The following AKAP7 variants were observed in gnomAD, a reference collection of about 807,000 sequenced individuals.
AKAP7 encodes A kinase (PRKA) anchor protein 7.
A neutral mutation model predicts 39.5 loss-of-function variants in AKAP7; 39 were observed. The ratio of observed to expected loss-of-function variants is 0.99; its 90% CI spans 0.76 to 1.29. The LOEUF (loss-of-function observed/expected upper bound fraction) is 1.29, where lower values mean the gene tolerates loss of function less well. Among genes scored for constraint, AKAP7 ranks in the 50% most tolerant of loss-of-function variants. The pLI is 0.00. For synonymous variants in AKAP7, 140 were observed against 139.1 expected (o/e 1.01, Z -0.05); for missense variants, 414 against 407.7 (o/e 1.02, Z -0.13).
intron 5 of AKAP7, among the ~76,000 whole-genome samples, chr6:131,181,725 A>G (rs1291247757): frequency 6.6e-6 from 1 of 152,130 alleles, no homozygotes; most frequent in Non-Finnish European, 1.5e-5. Context: ...AGGTCCCCTG[A>G]GGCACTGGGC....
chr6:131,140,907 G>A (rs919481502), intron 1 of AKAP7, among the ~76,000 whole-genome samples: 1 of 152,078 alleles, frequency 6.6e-6, no homozygotes. Flanking sequence ...CATTTAACTT[G>A]TTCTCGCATT....
intron 2 of AKAP7, among the ~76,000 whole-genome samples, chr6:131,151,401 A>G (rs1801907270): frequency 6.6e-6 from 1 of 151,320 alleles, no homozygotes; most frequent in African/African-American, 2.4e-5. Context: ...TTTTTAAGAA[A>G]ATTTTAGTAA....
At chr6:131,171,588 A>G (rs1179654561) in intron 5 of AKAP7, among the ~76,000 whole-genome samples, 8 of 152,214 alleles carry the variant, frequency 5.3e-5, no homozygotes, top group Admixed American at 5.2e-4. Flanking sequence ...GTGAAAGTTT[A>G]GAATGGCGAC....
intron 3 of AKAP7, among the ~76,000 whole-genome samples, chr6:131,162,706 G>A (rs576431128): frequency 5.5e-4 from 84 of 152,230 alleles, no homozygotes; most frequent in African/African-American, 2.0e-3. Context: ...GGGCTTGCCA[G>A]GTTCCCTTGG....
At chr6:131,142,770 A>G (rs1043633776) in intron 1 of AKAP7, among the ~76,000 whole-genome samples, 5 of 152,238 alleles carry the variant, frequency 3.3e-5, no homozygotes, top group African/African-American at 1.2e-4. Context: ...GAGCTTGGAA[A>G]AGCTGCAGAC....
rs569344566 is a variant in AKAP7 at position 131,215,792 on chromosome 6, C to G, written c.703-3869C>G. Among the ~76,000 whole-genome samples, 7 of 152,284 alleles carry G rather than the reference C, an allele frequency of 4.6e-5. No individual in the cohort carries two copies. In the South Asian group the frequency reaches 1.2e-3, roughly 27 times the overall value. ...ACAAATGTAACTTTTTGCCACTTAA[C>G]AAAAATAAGTGTAAGAGATTACTGT... On this transcript the variant is annotated intron_variant, in intron 6 of 7. Transcript: ENST00000431975.
chr6:131,131,470 T>TC (rs1291622540), upstream of AKAP7, among the ~76,000 whole-genome samples: 9 of 21,994 alleles, frequency 4.1e-4, no homozygotes, highest in African/African-American at 7.9e-4. Context: ...TTTCTTTCTT[T>TC]TTTTTTTTTT....
intron 6 of AKAP7, among the ~76,000 whole-genome samples, chr6:131,209,683 A>G (rs1165815649): frequency 2.0e-5 from 3 of 152,178 alleles, no homozygotes; most frequent in African/African-American, 7.2e-5. Flanking sequence ...TAAAAATTCT[A>G]TCTCAAAGAT....
intron 7 of AKAP7, among the ~76,000 whole-genome samples, chr6:131,230,018 G>C (rs1810506568): frequency 1.3e-5 from 2 of 152,118 alleles, no homozygotes; most frequent in South Asian, 4.1e-4. Context: ...TTGATTCCAT[G>C]TCTTTGCTAT....
chr6:131,141,145 C>G (rs1800992897), intron 1 of AKAP7, among the ~76,000 whole-genome samples: 1 of 152,098 alleles, frequency 6.6e-6, no homozygotes, highest in Non-Finnish European at 1.5e-5. Flanking sequence ...ATATTTGTCC[C>G]TTCAAATCTC....
chr6:131,237,247 G>T (rs1234972465), intron 7 of AKAP7, among the ~76,000 whole-genome samples: 1 of 152,158 alleles, frequency 6.6e-6, no homozygotes, highest in African/African-American at 2.4e-5. Flanking sequence ...TGCATCCCAG[G>T]GATGAAGCCC....
In AKAP7 at chr6:131,200,894, G is replaced by A. The variant is rs967903627; in HGVS notation, c.702+1321G>A. ...GTGGTTTCAAACTTAATCACAGAATGACAATCAGTGGTGAAGGTAATATCT... is the reference window on the plus strand; with the variant it reads ...GTGGTTTCAAACTTAATCACAGAATAACAATCAGTGGTGAAGGTAATATCT... On this transcript the variant is annotated intron_variant, in intron 6 of 7. Coordinates refer to ENST00000431975, the MANE Select transcript of AKAP7 (RefSeq NM_016377.4). 5.9e-5 allele frequency: 9 copies of A among 152,078 alleles called. No homozygotes were observed. In the South Asian group the frequency reaches 6.2e-4, roughly 11 times the overall value. The allele number at this position is 152,078 out of a possible 1,614,324, so 9.4% of individuals were successfully genotyped here.
intron 7 of AKAP7, among the ~76,000 whole-genome samples, chr6:131,235,529 T>A (rs1810975920): frequency 6.6e-6 from 1 of 152,178 alleles, no homozygotes; most frequent in African/African-American, 2.4e-5. Context: ...CCACCAACAG[T>A]GTAAAAGTGT....
chr6:131,244,380 A>G (rs554702342), intron 7 of AKAP7, among the ~76,000 whole-genome samples: 1 of 152,196 alleles, frequency 6.6e-6, no homozygotes, highest in Non-Finnish European at 1.5e-5. Flanking sequence ...ATTAGCTCAT[A>G]GTATGTGTTC....
intron 5 of AKAP7, among the ~76,000 whole-genome samples, chr6:131,179,175 T>TTTTG (rs201697430): frequency 6.6e-6 from 1 of 152,098 alleles, no homozygotes; most frequent in Non-Finnish European, 1.5e-5. Flanking sequence ...TCGGTTTTTT[T>TTTTG]TTTGTTTGTT....
intron 6 of AKAP7, among the ~76,000 whole-genome samples, chr6:131,212,707 A>G (rs1266201536): frequency 5.9e-5 from 9 of 152,180 alleles, no homozygotes; most frequent in African/African-American, 2.2e-4. Context: ...GCAGAGTAAG[A>G]GGCTGAGTTA....
At chr6:131,234,488 T>C (rs1810874472) in intron 7 of AKAP7, among the ~76,000 whole-genome samples, 1 of 151,930 alleles carries the variant, frequency 6.6e-6, no homozygotes, top group African/African-American at 2.4e-5. Context: ...GGGAGGCAAA[T>C]GAAAGAGAGA....
intron 5 of AKAP7, among the ~76,000 whole-genome samples, chr6:131,199,073 A>G (rs1359590571): frequency 6.6e-6 from 1 of 152,200 alleles, no homozygotes; most frequent in African/African-American, 2.4e-5. Context: ...CTGCTACTTC[A>G]TCTTGGAAGC....
chr6:131,180,653 C>T (rs541663812), intron 5 of AKAP7, among the ~76,000 whole-genome samples: 1 of 152,286 alleles, frequency 6.6e-6, no homozygotes, highest in East Asian at 1.9e-4. Context: ...GTCCTTTTCT[C>T]AAACCTCCTG....
Sources: gnomAD v4.1 joint callset for allele counts (sites outside exome capture counted in the v4.1 genomes callset) on GRCh38, gnomAD v4.1.1 for gene constraint, MANE v1.5 for transcripts, NCBI Gene and HGNC (gene_info 2026-07-23, HGNC 2026-07-21) for gene names.